Variants in DLST observed in about 807,000 individuals in gnomAD.
DLST encodes the protein dihydrolipoamide S-succinyltransferase.
In DLST, 17 loss-of-function variants were observed where a neutral mutation model predicts 53.1. The ratio of observed to expected loss-of-function variants is 0.32; its 90% CI spans 0.22 to 0.48. DLST has a LOEUF of 0.48. Among genes scored for constraint, DLST ranks in the 20% least tolerant of loss-of-function variants. The pLI is 0.99. For missense variants in DLST, 512 were observed against 583.9 expected (o/e 0.88, Z 1.27); for synonymous variants, 206 against 204.8 (o/e 1.01, Z -0.05).
At chr14:74,890,573 A>G (rs1883869432) in intron 6 of DLST, among the ~76,000 whole-genome samples, 1 of 152,190 alleles carries the variant, frequency 6.6e-6, no homozygotes, top group Admixed American at 6.5e-5. Flanking sequence ...TATTGCCTGA[A>G]TGTTTCTGAG....
At chr14:74,890,752 A>G (rs1357973321) in intron 6 of DLST, among the ~76,000 whole-genome samples, 1 of 151,764 alleles carries the variant, frequency 6.6e-6, no homozygotes, top group Non-Finnish European at 1.5e-5. Flanking sequence ...TCGCTCTATC[A>G]CCCAGGCTGG....
chr14:74,882,771 C>G, intron 2 of DLST, 147 bp downstream of exon 2: 2 of 738,238 alleles, frequency 2.7e-6, no homozygotes, highest in South Asian at 3.1e-5. Flanking sequence ...TAATCACGAG[C>G]TATCGCTTAT....
intron 11 of DLST, among the ~76,000 whole-genome samples, chr14:74,898,774 G>A (rs1272913743): frequency 6.6e-6 from 1 of 152,208 alleles, no homozygotes; most frequent in Non-Finnish European, 1.5e-5. Context: ...AGCTCTCCAG[G>A]CTGTCTCCTG....
intron 2 of DLST, among the ~76,000 whole-genome samples, 194 bp from the exon 3 acceptor site, chr14:74,885,392 C>T (rs187811624): frequency 6.6e-6 from 1 of 152,328 alleles, no homozygotes; most frequent in Admixed American, 6.5e-5. Context: ...CTCGATCTCA[C>T]ATACCCATTT....
intron 10 of DLST, 22 bp from the exon 11 acceptor site, chr14:74,898,347 T>G: frequency 6.2e-7 from 1 of 1,606,450 alleles, no homozygotes; most frequent in Non-Finnish European, 8.5e-7. Context: ...TGTGGTCAGT[T>G]TGTTTTGTAA....
In DLST at chr14:74,889,082, G is replaced by A; in HGVS notation, c.147-13G>A. The A allele has an allele frequency of 6.2e-7, 1 of 1,613,870 alleles. No individual in the cohort carries two copies. The highest frequency in any genetic ancestry group is 2.2e-5 in the East Asian group (1 of 44,880). ...CGCCTGTTAAAAGGAGTTAACGTGT[G>A]TTTCTTTTGTAGCATTAACAACAGT... is the stretch of plus-strand genomic sequence containing the variant. On this transcript the variant is annotated splice_polypyrimidine_tract_variant and intron_variant, in intron 3 of 14. Coordinates refer to ENST00000334220, the MANE Select transcript of DLST (RefSeq NM_001933.5).
intron 10 of DLST, among the ~76,000 whole-genome samples, chr14:74,895,848 AT>A (rs1884061478): frequency 6.6e-6 from 1 of 151,892 alleles, no homozygotes; most frequent in South Asian, 2.1e-4. Flanking sequence ...AGTGGCTGAT[AT>A]CGCGCCACTG....
intron 3 of DLST, among the ~76,000 whole-genome samples, chr14:74,888,362 T>A (rs1186313866): frequency 6.6e-6 from 1 of 151,778 alleles, no homozygotes; most frequent in Non-Finnish European, 1.5e-5. Context: ...CTAAATCTGT[T>A]ATCTTGAGGG....
At chr14:74,885,951 A>G (rs1218679343) in intron 3 of DLST, 3 of 253,506 alleles carry the variant, frequency 1.2e-5, no homozygotes, top group Non-Finnish European at 2.3e-5. Context: ...ATGTAAGTGC[A>G]GCTGAAAGGC....
rs191974995 is a variant in DLST at position 74,902,711 on chromosome 14, G to A, written c.*381G>A. On this transcript the variant is annotated 3_prime_UTR_variant, in exon 15 of 15. Transcript: ENST00000334220. ...GTGATTAAGTTCCTATCTTTTGAAA[G>A]TTTGTTCTGCAGAGACTTCTAGGAG... 6.3e-6 allele frequency: 1 copy of A among 158,632 alleles called. No homozygotes were observed. The highest frequency in any genetic ancestry group is 1.4e-5 in the Non-Finnish European group (1 of 72,092). The allele number at this position is 158,632 out of a possible 1,614,324, so 9.8% of individuals were successfully genotyped here.
intron 13 of DLST, 93 bp downstream of exon 13, chr14:74,900,465 G>A: frequency 8.9e-7 from 1 of 1,121,664 alleles, no homozygotes. Context: ...CTCATGGAAA[G>A]TCAAGTGCAT....
rs529023095 is a variant in DLST, at chr14:74,893,930, A to G, written c.673-382A>G. 3.9e-5 allele frequency among the ~76,000 whole-genome samples: 6 copies of G among 152,342 alleles called. No individual in the cohort carries two copies. The South Asian group carries it at 1.2e-3, about 32-fold the overall frequency. On this transcript the variant is annotated intron_variant, in intron 9 of 14. Transcript: ENST00000334220. ...TAGCCTCGAAAGTTTGTTGCTCATGAGGTTCTGTTCCACAAATAGCTATTC... is the reference window on the plus strand; with the variant it reads ...TAGCCTCGAAAGTTTGTTGCTCATGGGGTTCTGTTCCACAAATAGCTATTC...
rs1464625298 is a variant in DLST, at chr14:74,881,971, C to T, written c.18C>T (p.Arg6=). ...CCGCCGTGATGCTGTCCCGATCCCG[C>T]TGTGTGTCTCGGGCGTTCAGCCGCT... The part of the protein sequence containing the change: MLSRS[R]CVSRAFSRSL... The change falls in exon 1 of 15, where the codon CGC becomes CGT. Residue 6 remains arginine (R), a synonymous_variant. Transcript: ENST00000334220. 3.8e-6 allele frequency: 6 copies of T among 1,571,186 alleles called. No homozygotes were observed. The highest frequency in any genetic ancestry group is 1.7e-4 in the Middle Eastern group (1 of 5,774).
intron 7 of DLST, among the ~76,000 whole-genome samples, chr14:74,892,243 C>T (rs1340469388): frequency 6.6e-6 from 1 of 152,140 alleles, no homozygotes; most frequent in African/African-American, 2.4e-5. Context: ...CCACCACGCC[C>T]AGCTAATTTT....
Position 74,902,860 on chromosome 14 carries a change from CTTCA to C in DLST, c.*534_*537del, listed in dbSNP as rs1884309440. 1.3e-5 allele frequency: 2 copies of C among 152,798 alleles called. No individual in the cohort carries two copies. The highest frequency in any genetic ancestry group is 4.8e-5 in the African/African-American group (2 of 41,558). The allele number at this position is 152,798 out of a possible 1,614,324, so 9.5% of individuals were successfully genotyped here. A position where few individuals can be genotyped will look rare whatever the true frequency, so the allele number is the denominator to read the frequency against. ...TGCTGCTTTGCTTCTTCAATGGCAC[CTTCA>C]TTCTCCGTTGTCATTGACTTCAAGA... On this transcript the variant is annotated 3_prime_UTR_variant, in exon 15 of 15. Transcript: ENST00000334220.
chr14:74,901,691 C>T (rs966295999), intron 14 of DLST, among the ~76,000 whole-genome samples: 3 of 152,086 alleles, frequency 2.0e-5, no homozygotes, highest in Non-Finnish European at 2.9e-5. Flanking sequence ...TTAGAAGATA[C>T]GTTGGTATCA....
At chr14:74,884,784 A>T (rs741096) in intron 2 of DLST, among the ~76,000 whole-genome samples, 1 of 151,990 alleles carries the variant, frequency 6.6e-6, no homozygotes. Context: ...GGAGGTGGGC[A>T]TAAGAGAGGG....
chr14:74,889,448 A>T, intron 5 of DLST, 99 bp downstream of exon 5: 2 of 957,146 alleles, frequency 2.1e-6, no homozygotes, highest in Non-Finnish European at 1.5e-6. Context: ...GGCTCACTGC[A>T]GCCTCTGCCT....
chr14:74,897,104 G>A (rs1884097606), intron 10 of DLST, among the ~76,000 whole-genome samples: 1 of 152,200 alleles, frequency 6.6e-6, no homozygotes, highest in Non-Finnish European at 1.5e-5. Context: ...GAGCAGAGAT[G>A]TTTATCACAT....
Sources: gnomAD v4.1 joint callset for allele counts (sites outside exome capture counted in the v4.1 genomes callset) on GRCh38, gnomAD v4.1.1 for gene constraint, MANE v1.5 for transcripts, NCBI Gene and HGNC (gene_info 2026-07-23, HGNC 2026-07-21) for gene names.